GOLGA1: variants seen among roughly 807,000 people sequenced by gnomAD.
GOLGA1 encodes golgin A1.
Under a neutral mutation model 119.7 loss-of-function variants are expected in GOLGA1, and 63 were observed. That is an observed-to-expected ratio of 0.53 (90% CI 0.43 to 0.65). The LOEUF is 0.65. GOLGA1 is among the 30% of genes least tolerant of loss of function. The probability of loss-of-function intolerance (pLI) is 0.00; values close to 1 mark genes in which losing one functional copy is unlikely to be tolerated. For missense variants in GOLGA1, 798 were observed against 912.8 expected (o/e 0.87, Z 1.62); for synonymous variants, 318 against 333.4 (o/e 0.95, Z 0.50).
intron 12 of GOLGA1, among the ~76,000 whole-genome samples, chr9:124,903,795 A>G (rs895221518): frequency 6.6e-6 from 1 of 152,198 alleles, no homozygotes; most frequent in African/African-American, 2.4e-5. Context: ...TCATACCTGT[A>G]ATCCCAGCAC....
intron 10 of GOLGA1, among the ~76,000 whole-genome samples, chr9:124,920,701 C>T (rs1022485971): frequency 2.0e-5 from 3 of 151,760 alleles, no homozygotes; most frequent in South Asian, 2.1e-4. Context: ...TTTGGGAGGC[C>T]GAGGTTGGTG....
At chr9:124,934,822 A>C (rs999667612) in intron 3 of GOLGA1, among the ~76,000 whole-genome samples, 3 of 152,132 alleles carry the variant, frequency 2.0e-5, no homozygotes, top group African/African-American at 7.2e-5. Context: ...CAAGGTGGGC[A>C]GATCGTTTGA....
intron 3 of GOLGA1, among the ~76,000 whole-genome samples, chr9:124,933,590 T>C (rs1445737459): frequency 2.0e-5 from 3 of 152,080 alleles, no homozygotes; most frequent in Admixed American, 2.0e-4. Flanking sequence ...AATATTTGTA[T>C]TTTTAGTAGA....
intron 10 of GOLGA1, among the ~76,000 whole-genome samples, chr9:124,916,152 T>TA (rs916127257): frequency 8.5e-4 from 119 of 140,244 alleles, no homozygotes; most frequent in Middle Eastern, 3.5e-3. Flanking sequence ...CTTATTTAAG[T>TA]AAAAAAAAAA....
At chr9:124,886,950 G>C (rs893296928) in intron 19 of GOLGA1, among the ~76,000 whole-genome samples, 1 of 152,116 alleles carries the variant, frequency 6.6e-6, no homozygotes, top group Non-Finnish European at 1.5e-5. Flanking sequence ...CCTGAGCTTC[G>C]AGGGGACCTG....
chr9:124,890,557 A>G, intron 15 of GOLGA1, 79 bp from the exon 16 acceptor site: 1 of 1,074,882 alleles, frequency 9.3e-7, no homozygotes, highest in Admixed American at 1.7e-5. Flanking sequence ...AGCCCAGCAG[A>G]CAGGGCATGG....
intron 19 of GOLGA1, among the ~76,000 whole-genome samples, chr9:124,885,665 A>G (rs1416153260): frequency 6.6e-6 from 1 of 152,036 alleles, no homozygotes. Context: ...AGGCTCAGCA[A>G]GTGCCAAGGC....
chr9:124,886,594 G>A (rs1012574306), intron 19 of GOLGA1, among the ~76,000 whole-genome samples: 3 of 152,172 alleles, frequency 2.0e-5, no homozygotes, highest in Non-Finnish European at 2.9e-5. Flanking sequence ...GAGCAGAGAC[G>A]CAGCAGCAGG....
chr9:124,931,353 C>A lies in GOLGA1; in HGVS notation c.189G>T (p.Arg63Ser). 1 of 1,596,524 alleles carries A rather than the reference C, an allele frequency of 6.3e-7. No individual in the cohort carries two copies. The highest frequency in any genetic ancestry group is 1.1e-5 in the South Asian group (1 of 90,712). Reference sequence around the variant, plus strand: ...CCTCTAACTTCCGTATCTGTTCATTCCTTCTCAGAAGCTGGGATGAAAGAT... The same window carrying A: ...CCTCTAACTTCCGTATCTGTTCATTACTTCTCAGAAGCTGGGATGAAAGAT... Reference protein sequence around the residue: ...REDLSSQLLRRNEQIRKLEAR... With the variant: ...REDLSSQLLRSNEQIRKLEAR... The change falls in exon 4 of 23, where the codon AGG (arginine) becomes AGT (serine). Residue 63 changes from arginine to serine, a missense_variant. Physicochemically the swap from Arg to Ser is moderately radical, Grantham distance 110. Coordinates refer to ENST00000373555, the MANE Select transcript of GOLGA1 (RefSeq NM_002077.4).
Position 124,938,610 on chromosome 9 carries a change from A to T in GOLGA1, c.102T>A (p.Val34=), listed in dbSNP as rs1174210862. Residue 34 remains valine (V), a synonymous_variant, in exon 3 of 23, where the codon GTT becomes GTA. Transcript: ENST00000373555. ...CTCCTGAGTCAGCTCCCATTGAGGC[A>T]ACTGATTCCTTGCTCACAGACCGTG... ...RIPRSVSKES[V]ASMGADSGDD... is the part of the protein sequence containing the mutation. The T allele has an allele frequency of 5.0e-6, 8 of 1,613,546 alleles. No homozygotes were observed. The highest frequency in any genetic ancestry group is 5.1e-6 in the Non-Finnish European group (6 of 1,179,636).
chr9:124,914,912 A>G lies in GOLGA1; in HGVS notation c.844-2886T>C, dbSNP rs536279225. Among the ~76,000 whole-genome samples, 5 of 152,350 alleles carry G rather than the reference A, an allele frequency of 3.3e-5. No individual in the cohort carries two copies. The South Asian group carries it at 1.0e-3, about 32-fold the overall frequency. On this transcript the variant is annotated intron_variant, in intron 10 of 22. Coordinates refer to ENST00000373555, the MANE Select transcript of GOLGA1 (RefSeq NM_002077.4). ...TAGGCAAAGTTAGGGACAGAAAAAG[A>G]ATCAGTGGCCAAGTTCCACTTATGC...
At position 124,898,573 on chromosome 9, in the gene GOLGA1, G is replaced by A; in HGVS notation, c.1383C>T (p.His461=). Residue 461 remains histidine (H), a synonymous_variant, in exon 15 of 23, where the codon CAC becomes CAT. Coordinates refer to ENST00000373555, the MANE Select transcript of GOLGA1 (RefSeq NM_002077.4). ...RNEYERSLQN[H]QFELKKLKEE... is the part of the protein sequence containing the mutation. ...CCTTCAGCTTCTTTAGTTCAAATTG[G>A]TGATTTTGTAAAGAACGTTCATATT... The A allele has an allele frequency of 6.2e-7, 1 of 1,601,154 alleles. No homozygotes were observed. Among genetic ancestry groups the A allele is most frequent in the Non-Finnish European group, 8.6e-7 (1 of 1,169,102 alleles).
chr9:124,916,876 A>AC (rs1830456089), intron 10 of GOLGA1, among the ~76,000 whole-genome samples: 1 of 136,124 alleles, frequency 7.3e-6, no homozygotes, highest in East Asian at 2.2e-4. Context: ...ACCCTGACAC[A>AC]CAAAAAAAAA....
At position 124,879,783 on chromosome 9, in the gene GOLGA1, T is replaced by TA. The variant is rs1408862856; in HGVS notation, c.*746dup. The stretch of plus-strand genomic sequence containing the variant: ...TTATAGTAGTGAAGAACTTCAGCTA[T>TA]AAAAAATAGTTTAAAATGGTTTACC... On this transcript the variant is annotated 3_prime_UTR_variant, in exon 23 of 23. Transcript: ENST00000373555. 2.0e-5 allele frequency: 3 copies of TA among 152,584 alleles called. No individual in the cohort carries two copies. Among genetic ancestry groups the TA allele is most frequent in the Non-Finnish European group, 4.4e-5 (3 of 68,030 alleles). The allele number at this position is 152,584 out of a possible 1,614,324, so 9.5% of individuals were successfully genotyped here.
upstream of GOLGA1, among the ~76,000 whole-genome samples, chr9:124,942,307 C>A (rs35315547): frequency 1.3e-3 from 194 of 152,332 alleles, 1 homozygote; most frequent in East Asian, 0.021. Context: ...TACCCTAAGT[C>A]AGGTCCCTGA....
intron 14 of GOLGA1, among the ~76,000 whole-genome samples, chr9:124,899,083 C>T (rs1588068686): frequency 1.3e-5 from 2 of 152,128 alleles, no homozygotes; most frequent in African/African-American, 4.8e-5. Context: ...GTAGTCCCAG[C>T]TACTTGGGAG....
Position 124,899,128 on chromosome 9 carries a change from C to T in GOLGA1, c.1311+201G>A, listed in dbSNP as rs139556524. 6.8e-3 allele frequency among the ~76,000 whole-genome samples: 1,035 copies of T among 152,192 alleles called. 14 individuals are homozygous for T. The highest frequency in any genetic ancestry group is 0.022 in the African/African-American group (930 of 41,524). On this transcript the variant is annotated intron_variant, in intron 14 of 22. Transcript: ENST00000373555. Reference sequence around the variant, plus strand: ...GCAGGATCACTTGAGTCTGAGAGGTCGAGGCTGCAGTCAGTTGTAATCATG... The same window carrying T: ...GCAGGATCACTTGAGTCTGAGAGGTTGAGGCTGCAGTCAGTTGTAATCATG...
At chr9:124,915,644 G>C (rs977262333) in intron 10 of GOLGA1, among the ~76,000 whole-genome samples, 1 of 151,956 alleles carries the variant, frequency 6.6e-6, no homozygotes, top group Admixed American at 6.6e-5. Flanking sequence ...AAAGCCAGGA[G>C]ATCAAAACCA....
At position 124,881,716 on chromosome 9, in the gene GOLGA1, G is replaced by A; in HGVS notation, c.2136+68C>T. The A allele has an allele frequency of 2.9e-6, 3 of 1,031,226 alleles. No homozygotes were observed. Among genetic ancestry groups the A allele is most frequent in the Non-Finnish European group, 2.9e-6 (2 of 693,842 alleles). 63.9% of individuals were successfully genotyped at this position (1,031,226 alleles called of 1,614,324 possible). ...GGAAAAGAGAGAAAGGGGCTGGGCA[G>A]GGGTCCCTGCAGGACAGACTGTAGG... is the stretch of plus-strand genomic sequence containing the variant. On this transcript the variant is annotated intron_variant, in intron 21 of 22. Transcript: ENST00000373555. This position sits in a 1 kb window ranked among gnomAD's most constrained non-coding sequence, Gnocchi z 4.9.
Sources: gnomAD v4.1 joint callset for allele counts (sites outside exome capture counted in the v4.1 genomes callset) on GRCh38, gnomAD v4.1.1 for gene constraint, Gnocchi (gnomAD v3.1) non-coding constraint, MANE v1.5 for transcripts, NCBI Gene and HGNC (gene_info 2026-07-23, HGNC 2026-07-21) for gene names.